The following PXDNL variants were observed in gnomAD, a reference collection of about 807,000 sequenced individuals.
PXDNL encodes peroxidasin like.
PXDNL carries 145 observed loss-of-function variants against 150.8 expected under a neutral mutation model. That is an observed-to-expected ratio of 0.96 (90% CI 0.84 to 1.10). PXDNL has a LOEUF of 1.10. PXDNL is among the 50% of genes least tolerant of loss of function. The pLI, the probability that PXDNL is intolerant of heterozygous loss-of-function variation, is 0.00. For synonymous variants in PXDNL, 757 were observed against 725.7 expected (o/e 1.04, Z -0.69); for missense variants, 2,087 against 1,873.9 (o/e 1.11, Z -2.10).
intron 4 of PXDNL, among the ~76,000 whole-genome samples, chr8:51,520,921 T>G (rs916110978): frequency 6.6e-6 from 1 of 152,104 alleles, no homozygotes; most frequent in East Asian, 1.9e-4. Flanking sequence ...ATACAGGGAA[T>G]TTAAAAAAAC....
intron 3 of PXDNL, among the ~76,000 whole-genome samples, chr8:51,567,053 A>T (rs1812844050): frequency 6.6e-6 from 1 of 151,758 alleles, no homozygotes. Flanking sequence ...TTACTTATAA[A>T]TGTGTTTAAT....
intron 2 of PXDNL, among the ~76,000 whole-genome samples, chr8:51,631,439 C>G (rs1011407678): frequency 2.0e-5 from 3 of 151,752 alleles, no homozygotes; most frequent in Non-Finnish European, 4.4e-5. Flanking sequence ...AAAATAAAAG[C>G]TTTTTAAAAA....
In PXDNL at chr8:51,489,915, A is replaced by G. The variant is rs938553310; in HGVS notation, c.453-6201T>C. On this transcript the variant is annotated intron_variant, in intron 5 of 22. Transcript: ENST00000356297. ...AACACAAGAAAAAGGAAGAATGGAG[A>G]CCAGAAACCATGGACTTCACTCAAG... Among the ~76,000 whole-genome samples, 3 of 152,188 alleles carry G rather than the reference A, an allele frequency of 2.0e-5. No homozygotes were observed. The East Asian group carries it at 5.8e-4, about 29-fold the overall frequency.
chr8:51,658,707 G>C (rs1815207364), intron 1 of PXDNL, among the ~76,000 whole-genome samples: 1 of 152,168 alleles, frequency 6.6e-6, no homozygotes, highest in Admixed American at 6.5e-5. Flanking sequence ...TACTGTGTAA[G>C]TATGTACATT....
At chr8:51,407,327 C>G (rs907530862) in intron 17 of PXDNL, among the ~76,000 whole-genome samples, 3 of 152,274 alleles carry the variant, frequency 2.0e-5, no homozygotes, top group African/African-American at 7.2e-5. Flanking sequence ...GGCTATAGAA[C>G]TTATAATTTT....
chr8:51,534,046 C>T (rs1367943917), intron 4 of PXDNL, among the ~76,000 whole-genome samples: 1 of 146,722 alleles, frequency 6.8e-6, no homozygotes, highest in Non-Finnish European at 1.5e-5. Flanking sequence ...CGAGGAGCGC[C>T]TCTTCCCCGC....
At chr8:51,477,912 G>C (rs1414959042) in intron 6 of PXDNL, among the ~76,000 whole-genome samples, 1 of 152,124 alleles carries the variant, frequency 6.6e-6, no homozygotes, top group Non-Finnish European at 1.5e-5. Flanking sequence ...GATATCAATA[G>C]TGGGGATGCA....
chr8:51,444,969 T>C (rs1487420769), intron 12 of PXDNL, among the ~76,000 whole-genome samples: 2 of 151,926 alleles, frequency 1.3e-5, no homozygotes, highest in Non-Finnish European at 2.9e-5. Context: ...TGCGGTGGCA[T>C]GATCTTGACT....
chr8:51,740,584 G>A (rs1358220015), intron 1 of PXDNL, among the ~76,000 whole-genome samples: 2 of 152,132 alleles, frequency 1.3e-5, no homozygotes, highest in Admixed American at 1.3e-4. Flanking sequence ...AATGATCAGT[G>A]ATTTGCTTTT....
At position 51,608,002 on chromosome 8, in the gene PXDNL, GAAGAAAGAAAGA is replaced by G. The variant is rs71237219; in HGVS notation, c.237-15316_237-15305del. On this transcript the variant is annotated intron_variant, in intron 2 of 22. Transcript: ENST00000356297. ...GGAAGGAAGAGAGAGAGGAAGGAAGGAAGAAAGAAAGAAAGAAAGAAAGAAAGAAAGAAAGAA... is the reference window on the plus strand; with the variant it reads ...GGAAGGAAGAGAGAGAGGAAGGAAGGAAGAAAGAAAGAAAGAAAGAAAGAA... Among the ~76,000 whole-genome samples the G allele has an allele frequency of 1.7e-3, 108 of 64,642 alleles. 4 individuals carry two copies. The highest frequency in any genetic ancestry group is 5.5e-3 in the African/African-American group (66 of 12,000). The allele number at this position is 64,642 out of a possible 152,430, so 42.4% of individuals were successfully genotyped here. A position where few individuals can be genotyped will look rare whatever the true frequency, so the allele number is the denominator to read the frequency against.
At chr8:51,724,696 C>T (rs915303643) in intron 1 of PXDNL, among the ~76,000 whole-genome samples, 3 of 152,098 alleles carry the variant, frequency 2.0e-5, no homozygotes, top group Non-Finnish European at 2.9e-5. Flanking sequence ...TTGTGTGGGT[C>T]GCCCCAGCCC....
In PXDNL at chr8:51,409,536, G is replaced by A; in HGVS notation, c.2088C>T (p.Ser696=). The change falls in exon 17 of 23, where the codon TCC becomes TCT. Residue 696 remains serine (S), a synonymous_variant. Coordinates refer to ENST00000356297, the MANE Select transcript of PXDNL (RefSeq NM_144651.5). ...GKEFRYNDLV[S]PRSLSLIANL... is the part of the protein sequence containing the mutation. ...TGGCGATGAGGCTGAGGGAGCGCGG[G>A]GACACCAAGTCATTGTACCGGAATT... The A allele has an allele frequency of 6.3e-7, 1 of 1,598,824 alleles. No individual in the cohort carries two copies. The highest frequency in any genetic ancestry group is 8.5e-7 in the Non-Finnish European group (1 of 1,172,298).
At chr8:51,478,476 C>T (rs1042683766) in intron 6 of PXDNL, among the ~76,000 whole-genome samples, 1 of 152,148 alleles carries the variant, frequency 6.6e-6, no homozygotes, top group Non-Finnish European at 1.5e-5. Context: ...TTACACAATC[C>T]CTTTCACTTA....
At chr8:51,430,550 GA>G (rs1228537089) in intron 12 of PXDNL, among the ~76,000 whole-genome samples, 1 of 152,210 alleles carries the variant, frequency 6.6e-6, no homozygotes, top group Non-Finnish European at 1.5e-5. Context: ...AAATGGACCT[GA>G]TTGGGAACAT....
At chr8:51,555,527 C>G (rs755328577) in intron 4 of PXDNL, among the ~76,000 whole-genome samples, 1 of 152,126 alleles carries the variant, frequency 6.6e-6, no homozygotes, top group Non-Finnish European at 1.5e-5. Flanking sequence ...TATAACCTAA[C>G]AGTTCAGCCT....
At chr8:51,376,208 A>G (rs1211702596) in intron 17 of PXDNL, among the ~76,000 whole-genome samples, 1 of 152,384 alleles carries the variant, frequency 6.6e-6, no homozygotes, top group Non-Finnish European at 1.5e-5. Context: ...TACAATTCAT[A>G]CATCCACAAG....
At chr8:51,445,296 G>A (rs747883754) in intron 12 of PXDNL, among the ~76,000 whole-genome samples, 4 of 152,062 alleles carry the variant, frequency 2.6e-5, no homozygotes, top group Non-Finnish European at 5.9e-5. Flanking sequence ...GTCTAGATCT[G>A]GTGTGTTCCA....
chr8:51,696,849 A>ACACACACAGGTCCACGCATC, intron 1 of PXDNL, among the ~76,000 whole-genome samples: 1 of 874 alleles, frequency 1.1e-3, no homozygotes, highest in South Asian at 0.033. Flanking sequence ...AGGTCCTGAC[A>ACACACACAGGTCCACGCATC]CACACACAGG....
chr8:51,745,375 A>G (rs1291292191), intron 1 of PXDNL, among the ~76,000 whole-genome samples: 1 of 152,228 alleles, frequency 6.6e-6, no homozygotes, highest in Admixed American at 6.5e-5. Flanking sequence ...AACAAATAAC[A>G]ACAAAAATAA....
Sources: gnomAD v4.1 joint callset for allele counts (sites outside exome capture counted in the v4.1 genomes callset) on GRCh38, gnomAD v4.1.1 for gene constraint, MANE v1.5 for transcripts, NCBI Gene and HGNC (gene_info 2026-07-23, HGNC 2026-07-21) for gene names.